ZC3H12B: variants seen among roughly 807,000 people sequenced by gnomAD.
ZC3H12B encodes zinc finger CCCH-type containing 12B.
A neutral mutation model predicts 43.9 loss-of-function variants in ZC3H12B; 7 were observed. The ratio of observed to expected loss-of-function variants is 0.16; its 90% confidence interval spans 0.09 to 0.30. The LOEUF (loss-of-function observed/expected upper bound fraction) is 0.30, where lower values mean the gene tolerates loss of function less well. Among genes scored for constraint, ZC3H12B ranks in the 10% least tolerant of loss-of-function variants. The pLI is 1.00. For missense variants in ZC3H12B, 475 were observed against 670.2 expected (o/e 0.71, Z 3.22); for synonymous variants, 222 against 241.7 (o/e 0.92, Z 0.76).
In ZC3H12B at chrX:65,383,406, A is replaced by G. The variant is rs1357611427; in HGVS notation, n.295+14408A>G. Among the ~76,000 whole-genome samples, 5 of 109,441 alleles carry G rather than the reference A, an allele frequency of 4.6e-5. No individual in the cohort carries two copies. In the Admixed American group the frequency reaches 4.8e-4, roughly 11 times the overall value. On this transcript the variant is annotated intron_variant and non_coding_transcript_variant, in intron 2 of 5. Transcript: ENST00000617377. The stretch of plus-strand genomic sequence containing the variant: ...GGGAAAACTGGCTAGCCATATGTAG[A>G]AAGCTGAAACTGGATCCCTTCCTTA...
the ZC3H12B span, among the ~76,000 whole-genome samples, chrX:65,144,161 C>T: frequency 9.0e-6 from 1 of 111,553 alleles, no homozygotes; most frequent in South Asian, 3.7e-4. Flanking sequence ...GTTTTAATTA[C>T]AATTTCAATC....
chrX:65,387,753 T>C (rs1244191974), intron 2 of ZC3H12B, among the ~76,000 whole-genome samples: 3 of 112,861 alleles, frequency 2.7e-5, no homozygotes, highest in Admixed American at 1.9e-4. Context: ...CTTTACAATT[T>C]GGCATGTTTT....
At chrX:65,270,948 T>A in the ZC3H12B span, 1 of 111,892 alleles carries the variant, frequency 8.9e-6, no homozygotes, top group East Asian at 2.8e-4. Context: ...CTATAAAGAC[T>A]GAAAAGTCAT....
chrX:65,200,295 G>A, the ZC3H12B span, among the ~76,000 whole-genome samples: 2 of 110,967 alleles, frequency 1.8e-5, no homozygotes, highest in African/African-American at 6.6e-5. Flanking sequence ...ACATCTCAAT[G>A]GGGTTTTTTT....
the ZC3H12B span, among the ~76,000 whole-genome samples, chrX:65,315,206 TTAAA>T: frequency 9.0e-6 from 1 of 111,370 alleles, no homozygotes; most frequent in Non-Finnish European, 1.9e-5. Flanking sequence ...TAAACCCACT[TTAAA>T]TATTATGATA....
chrX:65,147,445 AG>A, the ZC3H12B span, among the ~76,000 whole-genome samples: 1 of 111,550 alleles, frequency 9.0e-6, no homozygotes, highest in African/African-American at 3.3e-5. Context: ...GTGGGCCTGG[AG>A]CCTGTGTCCT....
chrX:65,158,579 A>G, the ZC3H12B span, among the ~76,000 whole-genome samples: 2 of 111,873 alleles, frequency 1.8e-5, no homozygotes. Flanking sequence ...TCTTTTGAGA[A>G]GTGTCTGTTC....
chrX:65,068,311 G>A, the ZC3H12B span, among the ~76,000 whole-genome samples: 26 of 109,540 alleles, frequency 2.4e-4, no homozygotes, highest in African/African-American at 8.0e-4. Context: ...TCCTGTCTTC[G>A]TTTAGTGAAG....
chrX:65,128,222 A>G, the ZC3H12B span, among the ~76,000 whole-genome samples: 1 of 112,294 alleles, frequency 8.9e-6, no homozygotes, highest in Non-Finnish European at 1.9e-5. Context: ...TAATAATCAC[A>G]TCATGGAGAA....
At chrX:65,040,597 A>G in the ZC3H12B span, among the ~76,000 whole-genome samples, 2 of 110,643 alleles carry the variant, frequency 1.8e-5, no homozygotes, top group African/African-American at 3.3e-5. Flanking sequence ...GATTTTTTTT[A>G]TGAACTGCAG....
chrX:65,138,760 A>T, the ZC3H12B span, among the ~76,000 whole-genome samples: 1 of 111,414 alleles, frequency 9.0e-6, no homozygotes, highest in South Asian at 3.7e-4. Context: ...TGATATCTGT[A>T]ATCTTTTTGA....
chrX:65,432,818 G>A (rs1315421024), intron 3 of ZC3H12B, among the ~76,000 whole-genome samples: 2 of 111,882 alleles, frequency 1.8e-5, no homozygotes, highest in African/African-American at 6.5e-5. Context: ...CCCTCTGCAT[G>A]CAAATGTCTT....
chrX:65,063,191 T>A, the ZC3H12B span, among the ~76,000 whole-genome samples: 68 of 111,908 alleles, frequency 6.1e-4, 1 homozygote, highest in East Asian at 0.018. Context: ...GAACTTCCAA[T>A]AATATGTTGA....
the ZC3H12B span, among the ~76,000 whole-genome samples, chrX:65,136,275 A>T: frequency 3.6e-4 from 40 of 111,439 alleles, no homozygotes; most frequent in African/African-American, 1.2e-3. Flanking sequence ...TTGACAGAGG[A>T]CCAATGGGGA....
At chrX:65,153,966 A>G in the ZC3H12B span, among the ~76,000 whole-genome samples, 9,016 of 110,730 alleles carry the variant, frequency 0.081, 1,019 homozygotes, top group African/African-American at 0.29. Flanking sequence ...CATTCTCAGT[A>G]AACTATTGCA....
the ZC3H12B span, among the ~76,000 whole-genome samples, chrX:65,118,513 G>A: frequency 2.7e-5 from 3 of 111,123 alleles, no homozygotes; most frequent in African/African-American, 9.8e-5. Flanking sequence ...TGCAAACAGG[G>A]ACAATTTGAC....
the ZC3H12B span, among the ~76,000 whole-genome samples, chrX:65,177,497 T>A: frequency 8.9e-6 from 1 of 112,184 alleles, no homozygotes; most frequent in East Asian, 2.8e-4. Context: ...TTGTCTCTGT[T>A]TGCAGATGAC....
In ZC3H12B at chrX:65,456,994, G is replaced by A. The variant is rs1416086441; in HGVS notation, n.408-31652G>A. ...CTGGCCGCCATCCCATCTAGGAAGC[G>A]AGGAGCGCCTCTTCCCCGCTGCCAT... On this transcript the variant is annotated intron_variant and non_coding_transcript_variant, in intron 3 of 5. Coordinates refer to the ZC3H12B transcript ENST00000617377. Among the ~76,000 whole-genome samples, 7 of 102,302 alleles carry A rather than the reference G, an allele frequency of 6.8e-5. No individual in the cohort carries two copies. The East Asian group carries it at 1.3e-3, about 19-fold the overall frequency. 88.8% of individuals were successfully genotyped at this position (102,302 alleles called of 115,157 possible). A position where few individuals can be genotyped will look rare whatever the true frequency, so the allele number is the denominator to read the frequency against.
chrX:65,404,320 C>T (rs1018225720), intron 3 of ZC3H12B, among the ~76,000 whole-genome samples: 3 of 107,082 alleles, frequency 2.8e-5, no homozygotes, highest in Non-Finnish European at 3.8e-5. Context: ...AAAGAAATAA[C>T]GCCAAAAAAC....
Sources: gnomAD v4.1 joint callset for allele counts (sites outside exome capture counted in the v4.1 genomes callset) on GRCh38, gnomAD v4.1.1 for gene constraint, MANE v1.5 for transcripts, NCBI Gene and HGNC (gene_info 2026-07-23, HGNC 2026-07-21) for gene names.